RBFOX1: variants seen among roughly 807,000 people sequenced by gnomAD.
RBFOX1 encodes the protein RNA binding protein fox-1 homolog 1.
A neutral mutation model predicts 57.7 loss-of-function variants in RBFOX1; 8 were observed. The observed-to-expected ratio is 0.14, with a 90% CI of 0.08 to 0.25. RBFOX1 has a LOEUF of 0.25. RBFOX1 is among the 10% of genes least tolerant of loss of function. The pLI is 1.00. For synonymous variants in RBFOX1, 326 were observed against 222.4 expected, an observed-to-expected ratio of 1.47 and a Z score of -4.15; for missense variants, 611 against 548.5, an observed-to-expected ratio of 1.11 and a Z score of -1.14.
chr16:7,142,012 TTCCTTCTTCC>T (rs2073922666), intron 4 of RBFOX1, among the ~76,000 whole-genome samples: 1 of 150,118 alleles, frequency 6.7e-6, no homozygotes, highest in Admixed American at 6.7e-5. Context: ...CTCCTTCTTC[TTCCTTCTTCC>T]TTCTTTCTTC....
At chr16:7,195,473 C>A (rs1312145117) in intron 4 of RBFOX1, among the ~76,000 whole-genome samples, 1 of 152,208 alleles carries the variant, frequency 6.6e-6, no homozygotes, top group Admixed American at 6.5e-5. Flanking sequence ...CAAAACAGAA[C>A]AACTGACCCA....
At chr16:5,447,420 T>TCTCTCTCTCTCTCTC (rs1555521613) in intron 1 of RBFOX1, among the ~76,000 whole-genome samples, 1 of 122,232 alleles carries the variant, frequency 8.2e-6, no homozygotes, top group African/African-American at 3.7e-5. Flanking sequence ...CGACGCAGTC[T>TCTCTCTCTCTCTCTC]TGCTGTTTCA....
intron 4 of RBFOX1, among the ~76,000 whole-genome samples, chr16:7,062,100 C>G (rs2054487490): frequency 6.6e-6 from 1 of 151,886 alleles, no homozygotes; most frequent in Non-Finnish European, 1.5e-5. Context: ...GGCTGATCAG[C>G]AGGTCAGGAG....
At chr16:6,909,767 C>T (rs556479905) in intron 3 of RBFOX1, among the ~76,000 whole-genome samples, 23 of 152,184 alleles carry the variant, frequency 1.5e-4, no homozygotes, top group African/African-American at 4.8e-4. Context: ...TATTTTCTCC[C>T]GAGTGTGGTT....
At chr16:6,078,140 C>A (rs2095938136) in intron 1 of RBFOX1, among the ~76,000 whole-genome samples, 1 of 152,080 alleles carries the variant, frequency 6.6e-6, no homozygotes, top group African/African-American at 2.4e-5. Flanking sequence ...CTTTCTCAGT[C>A]CCACCACTTG....
intron 14 of RBFOX1, among the ~76,000 whole-genome samples, chr16:7,704,799 C>G (rs992185383): frequency 5.3e-5 from 8 of 152,082 alleles, no homozygotes; most frequent in Admixed American, 1.3e-4. Context: ...GTTTGTAATC[C>G]TAGCACTTTG....
At chr16:6,793,996 C>G (rs1262024327) in intron 3 of RBFOX1, among the ~76,000 whole-genome samples, 2 of 152,064 alleles carry the variant, frequency 1.3e-5, no homozygotes, top group East Asian at 1.9e-4. Context: ...AGTAACTCCA[C>G]CGGATTGCTT....
At chr16:5,967,432 C>G (rs1399208670) in intron 4 of RBFOX1, among the ~76,000 whole-genome samples, 2 of 152,082 alleles carry the variant, frequency 1.3e-5, no homozygotes, top group African/African-American at 4.8e-5. Context: ...GTATTGGAAT[C>G]AGTAATTTCT....
chr16:7,313,738 T>A (rs957038985), intron 4 of RBFOX1, among the ~76,000 whole-genome samples: 9 of 152,074 alleles, frequency 5.9e-5, no homozygotes, highest in African/African-American at 1.4e-4. Context: ...GAGTTGAAAT[T>A]AATGGCTTCA....
intron 2 of RBFOX1, among the ~76,000 whole-genome samples, chr16:6,426,563 C>T (rs957177319): frequency 3.3e-5 from 5 of 151,828 alleles, no homozygotes; most frequent in South Asian, 2.1e-4. Flanking sequence ...CCCAGGAGGC[C>T]GAGGCTGCAG....
At chr16:6,602,925 G>T (rs741170) in intron 2 of RBFOX1, among the ~76,000 whole-genome samples, 51,757 of 151,874 alleles carry the variant, frequency 0.34, 9,342 homozygotes, top group African/African-American at 0.47. Context: ...CTAATAAAAC[G>T]AGAGCTGGAG....
At chr16:6,734,206 T>C (rs1433795743) in intron 3 of RBFOX1, among the ~76,000 whole-genome samples, 1 of 152,178 alleles carries the variant, frequency 6.6e-6, no homozygotes, top group Non-Finnish European at 1.5e-5. Context: ...AGCTCTGCAA[T>C]TGTATGATGT....
chr16:6,979,761 A>C (rs1380857880), intron 3 of RBFOX1, among the ~76,000 whole-genome samples: 1 of 152,208 alleles, frequency 6.6e-6, no homozygotes, highest in Non-Finnish European at 1.5e-5. Flanking sequence ...AAGATTTTCT[A>C]AAAATGCAAA....
At chr16:7,295,414 A>T (rs969987744) in intron 4 of RBFOX1, among the ~76,000 whole-genome samples, 3 of 152,288 alleles carry the variant, frequency 2.0e-5, no homozygotes, top group African/African-American at 7.2e-5. Flanking sequence ...AAATAGAAAT[A>T]CCTCATAATA....
At chr16:6,320,828 C>G (rs544708366) in intron 2 of RBFOX1, among the ~76,000 whole-genome samples, 1 of 152,144 alleles carries the variant, frequency 6.6e-6, no homozygotes, top group Non-Finnish European at 1.5e-5. Context: ...GAATCTCACT[C>G]TGTTGCCCAG....
At chr16:6,455,140 G>GC (rs2094737222) in intron 2 of RBFOX1, among the ~76,000 whole-genome samples, 1 of 150,378 alleles carries the variant, frequency 6.6e-6, no homozygotes, top group South Asian at 2.1e-4. Context: ...GGATCCACCC[G>GC]CCCTGGCCTC....
chr16:5,493,354 T>A (rs2042896613), intron 2 of RBFOX1, among the ~76,000 whole-genome samples: 1 of 152,184 alleles, frequency 6.6e-6, no homozygotes. Flanking sequence ...CCCACCATGC[T>A]TGTCTGTTGC....
chr16:6,840,829 G>A (rs561191682), intron 3 of RBFOX1, among the ~76,000 whole-genome samples: 6 of 149,052 alleles, frequency 4.0e-5, no homozygotes, highest in East Asian at 2.0e-4. Flanking sequence ...GGAGGTTGTG[G>A]TGAGCTGAGA....
intron 1 of RBFOX1, among the ~76,000 whole-genome samples, chr16:6,221,085 T>C (rs1282851535): frequency 6.6e-6 from 1 of 152,166 alleles, no homozygotes; most frequent in Admixed American, 6.5e-5. Context: ...TTTCCATATT[T>C]AAAATTATCT....
Sources: allele counts gnomAD v4.1 joint callset (sites outside exome capture counted in the v4.1 genomes callset), GRCh38; gene constraint gnomAD v4.1.1; transcripts MANE v1.5; gene names NCBI Gene and HGNC (gene_info 2026-07-23, HGNC 2026-07-21).